The following KLC4 variants were observed in gnomAD, a reference collection of about 807,000 sequenced individuals.
The protein encoded by KLC4 is kinesin-like protein 8.
A neutral mutation model predicts 77.2 loss-of-function variants in KLC4; 49 were observed. The ratio of observed to expected loss-of-function variants is 0.63; its 90% CI spans 0.50 to 0.80. The LOEUF (loss-of-function observed/expected upper bound fraction) is 0.80. Ranked by LOEUF, KLC4 falls within the 30% of genes least tolerant of loss-of-function variation. The pLI is 0.00. For missense variants in KLC4, 669 were observed against 793.5 expected (o/e 0.84, Z 1.89); for synonymous variants, 274 against 314.5 (o/e 0.87, Z 1.36).
At chr6:43,064,430 G>T (rs964128504) in intron 3 of KLC4, among the ~76,000 whole-genome samples, 3 of 152,214 alleles carry the variant, frequency 2.0e-5, no homozygotes, top group Non-Finnish European at 4.4e-5. Flanking sequence ...AGGCTGAGGT[G>T]GGAGGATCGC....
chr6:43,061,153 C>G, intron 1 of KLC4, 158 bp from the exon 2 acceptor site: 1 of 728,090 alleles, frequency 1.4e-6, no homozygotes. Context: ...GTTTAGTGAT[C>G]TAAGCTCCCT....
chr6:43,072,722 A>G lies in KLC4; in HGVS notation c.1489-102A>G. 1.0e-5 allele frequency: 12 copies of G among 1,153,122 alleles called. No individual in the cohort carries two copies. In the South Asian group the frequency reaches 1.7e-4, roughly 17 times the overall value. The allele number at this position is 1,153,122 out of a possible 1,614,324, so 71.4% of individuals were successfully genotyped here. On this transcript the variant is annotated intron_variant, in intron 12 of 15. Coordinates refer to ENST00000347162, the MANE Select transcript of KLC4 (RefSeq NM_201521.3). ...AGGTATAAACTGAGACATCACAAGG[A>G]AAAATGTTTTCCTTCCAGTGGCTGA...
chr6:43,070,352 A>G lies in KLC4; in HGVS notation c.880-2A>G. 3 of 1,611,908 alleles carry G rather than the reference A, an allele frequency of 1.9e-6. No individual in the cohort carries two copies. Among genetic ancestry groups the G allele is most frequent in the Non-Finnish European group, 1.7e-6 (2 of 1,178,014 alleles). On this transcript the variant is annotated splice_acceptor_variant, in intron 6 of 15. Transcript: ENST00000347162. LOFTEE classifies it high-confidence loss of function. ...CTGATGGGGACAGGCCTGTCTTCAT[A>G]GGTGGCTGCCACACTCAACAATTTG...
intron 9 of KLC4, 22 bp from the exon 10 acceptor site, chr6:43,071,545 C>G (rs750019422): frequency 1.2e-6 from 2 of 1,609,452 alleles, no homozygotes; most frequent in South Asian, 2.2e-5. Flanking sequence ...TCTAACCTCC[C>G]CACCCCATGT....
In KLC4 at chr6:43,072,878, G is replaced by A. The variant is rs1448929318; in HGVS notation, c.1543G>A (p.Gly515Ser). The change falls in exon 13 of 16, where the codon GGT becomes AGT. Residue 515 changes from glycine to serine, a missense_variant. Gly to Ser is a moderately conservative substitution (Grantham distance 56, BLOSUM62 0). Coordinates refer to ENST00000347162, the MANE Select transcript of KLC4 (RefSeq NM_201521.3). Reference sequence around the variant, plus strand: ...GGCAGAGCTGCTTGGGGAGAGTGATGGTAGAAGGACCTCCCAGGAGGGCCC... The same window carrying A: ...GGCAGAGCTGCTTGGGGAGAGTGATAGTAGAAGGACCTCCCAGGAGGGCCC... ...KVAELLGESD[G>S]RRTSQEGPGD... 9 of 1,613,504 alleles carry A rather than the reference G, an allele frequency of 5.6e-6. No homozygotes were observed. Among genetic ancestry groups the A allele is most frequent in the Non-Finnish European group, 6.8e-6 (8 of 1,179,764 alleles).
At chr6:43,065,515 T>G in intron 3 of KLC4, 105 bp from the exon 4 acceptor site, 1 of 730,760 alleles carries the variant, frequency 1.4e-6, no homozygotes, top group Admixed American at 2.3e-5. Context: ...ACAACAGTCT[T>G]CTCCTAGGTC....
intron 4 of KLC4, 37 bp from the exon 5 acceptor site, chr6:43,066,269 A>G (rs1205079962): frequency 9.0e-6 from 14 of 1,550,682 alleles, no homozygotes; most frequent in Non-Finnish European, 1.2e-5. Flanking sequence ...CAAAGGGGAG[A>G]GGAAGAGTCC....
At chr6:43,069,217 A>G (rs1250462139) in intron 6 of KLC4, among the ~76,000 whole-genome samples, 1 of 152,148 alleles carries the variant, frequency 6.6e-6, no homozygotes, top group Non-Finnish European at 1.5e-5. Context: ...ACAGAAAATG[A>G]AAAATGAAAA....
intron 6 of KLC4, among the ~76,000 whole-genome samples, chr6:43,068,599 G>A (rs1279867413): frequency 6.6e-6 from 1 of 152,016 alleles, no homozygotes; most frequent in Non-Finnish European, 1.5e-5. Context: ...CCTGAGGTCA[G>A]GAGTTTGAGA....
rs1220774183 is a variant in KLC4 at position 43,071,853 on chromosome 6, G to T, written c.1310G>T (p.Ser437Ile). 2.5e-6 allele frequency: 4 copies of T among 1,611,962 alleles called. No individual in the cohort carries two copies. Among genetic ancestry groups the T allele is most frequent in the Non-Finnish European group, 3.4e-6 (4 of 1,179,590 alleles). Residue 437 changes from serine (S) to isoleucine (I), a missense_variant and splice_region_variant, in exon 11 of 16, where the codon AGC becomes ATC. Coordinates refer to ENST00000347162, the MANE Select transcript of KLC4 (RefSeq NM_201521.3). ...HAEEREEMSKSRHHEGGTPYA... is the reference protein window; with the variant it reads ...HAEEREEMSKIRHHEGGTPYA... ...TTCTGGCCTCTCTCTGTCCTGCAGA[G>T]CCGGCACCATGAGGGTGGGACACCC...
chr6:43,071,789 C>T (rs1017974765), intron 10 of KLC4, 63 bp from the exon 11 acceptor site: 9 of 1,556,090 alleles, frequency 5.8e-6, no homozygotes, highest in Non-Finnish European at 7.9e-6. Flanking sequence ...TGCATCTCAG[C>T]ATCTCTGTAT....
chr6:43,061,674 G>GATC (rs1765171844), intron 2 of KLC4, 81 bp downstream of exon 2: 1 of 1,384,734 alleles, frequency 7.2e-7, no homozygotes, highest in Non-Finnish European at 9.8e-7. Flanking sequence ...GGCTGCTTGG[G>GATC]ATCACCTCAC....
chr6:43,072,680 G>GT, intron 12 of KLC4, 144 bp from the exon 13 acceptor site: 1 of 707,010 alleles, frequency 1.4e-6, no homozygotes, highest in Middle Eastern at 3.4e-4. Flanking sequence ...AATAGAAAAG[G>GT]TAAGTATTAT....
chr6:43,072,888 C>A lies in KLC4; in HGVS notation c.1553C>A (p.Thr518Asn). The A allele has an allele frequency of 1.2e-6, 2 of 1,613,330 alleles. No homozygotes were observed. Among genetic ancestry groups the A allele is most frequent in the Non-Finnish European group, 1.7e-6 (2 of 1,179,610 alleles). Residue 518 changes from threonine (T) to asparagine (N), a missense_variant, in exon 13 of 16, where the codon ACC becomes AAC. Coordinates refer to ENST00000347162, the MANE Select transcript of KLC4 (RefSeq NM_201521.3). Reference protein sequence around the residue: ...ELLGESDGRRTSQEGPGDSVK... With the variant: ...ELLGESDGRRNSQEGPGDSVK... ...CTTGGGGAGAGTGATGGTAGAAGGA[C>A]CTCCCAGGAGGGCCCTGGAGACAGT... is the stretch of plus-strand genomic sequence containing the variant.
intron 14 of KLC4, chr6:43,073,587 C>T: frequency 1.9e-6 from 1 of 525,284 alleles, no homozygotes. Flanking sequence ...GCAGAGGTTG[C>T]AGGGAGCCAA....
chr6:43,065,958 G>A (rs969335193), intron 4 of KLC4, among the ~76,000 whole-genome samples: 4 of 152,240 alleles, frequency 2.6e-5, no homozygotes, highest in Admixed American at 6.5e-5. Context: ...GGTCTTACCA[G>A]TAAGGAGTTC....
At chr6:43,074,423 CT>C in intron 15 of KLC4, 198 bp from the exon 16 acceptor site, 1 of 593,390 alleles carries the variant, frequency 1.7e-6, no homozygotes, top group Non-Finnish European at 3.0e-6. Context: ...TTCCAGGTAG[CT>C]TCTCCACCAG....
chr6:43,072,131 C>A lies in KLC4; in HGVS notation c.1380-16C>A. The A allele has an allele frequency of 1.3e-6, 2 of 1,599,264 alleles. No individual in the cohort carries two copies. The highest frequency in any genetic ancestry group is 1.7e-6 in the Non-Finnish European group (2 of 1,166,918). ...ACTCATTCTCTCTTCCTTCTCTGGT[C>A]TCTTTCTCACCACAGCCCCACAGTG... On this transcript the variant is annotated splice_polypyrimidine_tract_variant and intron_variant, in intron 11 of 15. Transcript: ENST00000347162.
At position 43,071,870 on chromosome 6, in the gene KLC4, G is replaced by A. The variant is rs752575112; in HGVS notation, c.1327G>A (p.Gly443Arg). The change falls in exon 11 of 16, where the codon GGG becomes AGG. Residue 443 changes from glycine to arginine, a missense_variant. Gly to Arg is a moderately radical substitution (Grantham distance 125, BLOSUM62 -2). Coordinates refer to ENST00000347162, the MANE Select transcript of KLC4 (RefSeq NM_201521.3). ...EMSKSRHHEG[G>R]TPYAEYGGWY... The stretch of plus-strand genomic sequence containing the variant: ...CCTGCAGAGCCGGCACCATGAGGGT[G>A]GGACACCCTATGCTGAGTATGGAGG... The A allele has an allele frequency of 3.8e-5, 62 of 1,612,466 alleles. No individual in the cohort carries two copies. The highest frequency in any genetic ancestry group is 5.2e-5 in the Non-Finnish European group (61 of 1,179,764).
Sources: gnomAD v4.1 joint callset for allele counts (sites outside exome capture counted in the v4.1 genomes callset) on GRCh38, gnomAD v4.1.1 for gene constraint, MANE v1.5 for transcripts, NCBI Gene and HGNC (gene_info 2026-07-23, HGNC 2026-07-21) for gene names.